Variants in PDE4DIP observed in about 807,000 individuals in gnomAD.
The protein encoded by PDE4DIP is phosphodiesterase 4D interacting protein.
PDE4DIP carries 59 observed loss-of-function variants against 221.4 expected under a neutral mutation model. The ratio of observed to expected loss-of-function variants is 0.27; its 90% CI spans 0.22 to 0.33. The LOEUF is 0.33. Among genes scored for constraint, PDE4DIP ranks in the 10% least tolerant of loss-of-function variants. The pLI, the probability that PDE4DIP is intolerant of heterozygous loss-of-function variation, is 1.00. For missense variants in PDE4DIP, 1,036 were observed against 2,154.2 expected, an observed-to-expected ratio of 0.48 and a Z score of 10.28; for synonymous variants, 404 against 815.9, an observed-to-expected ratio of 0.50 and a Z score of 8.60.
At chr1:148,934,705 C>T (rs2048811475) in intron 4 of PDE4DIP, among the ~76,000 whole-genome samples, 1 of 151,872 alleles carries the variant, frequency 6.6e-6, no homozygotes, top group Non-Finnish European at 1.5e-5. Context: ...CCAGGTTCAA[C>T]CGATTTTCCT....
chr1:148,927,872 G>A (rs1553466744), intron 1 of PDE4DIP, among the ~76,000 whole-genome samples: 1 of 151,936 alleles, frequency 6.6e-6, no homozygotes, highest in Non-Finnish European at 1.5e-5. Context: ...CCCTATTTTA[G>A]TTAATAGAAT....
At chr1:148,972,004 G>GT (rs1169143490) in intron 14 of PDE4DIP, among the ~76,000 whole-genome samples, 176 bp from the exon 18 acceptor site, 1 of 127,648 alleles carries the variant, frequency 7.8e-6, no homozygotes, top group African/African-American at 3.0e-5. Flanking sequence ...ACTTAACTCT[G>GT]TTTTTCCCTG....
At chr1:148,954,415 G>T (rs1283244714) in intron 5 of PDE4DIP, among the ~76,000 whole-genome samples, 2 of 151,934 alleles carry the variant, frequency 1.3e-5, no homozygotes, top group African/African-American at 4.8e-5. Context: ...AAGGTTTGGG[G>T]AAAGCCTATT....
intron 5 of PDE4DIP, chr1:148,953,098 G>T (rs1363269328): frequency 1.5e-5 from 24 of 1,613,962 alleles, no homozygotes; most frequent in Non-Finnish European, 1.9e-5. Flanking sequence ...ACTCTGGCGC[G>T]GAGATCAAGG....
At chr1:149,021,720 G>A in intron 37 of PDE4DIP, 1 of 147,300 alleles carries the variant, frequency 6.8e-6, no homozygotes, top group East Asian at 2.1e-4. Context: ...GAGTCAGTGG[G>A]GACCAGCCTG....
At chr1:148,998,597 AC>A (rs1446133626) in intron 23 of PDE4DIP, among the ~76,000 whole-genome samples, 2 of 149,934 alleles carry the variant, frequency 1.3e-5, no homozygotes, top group Non-Finnish European at 3.0e-5. Flanking sequence ...CATACATATG[AC>A]AGTCATGGTG....
chr1:148,998,292 A>C, exon 23 of PDE4DIP: 1 of 1,613,458 alleles, frequency 6.2e-7, no homozygotes, highest in Non-Finnish European at 8.5e-7. Flanking sequence ...AGCACTTAGA[A>C]GAGAAGAGGA....
intron 23 of PDE4DIP, among the ~76,000 whole-genome samples, chr1:148,999,564 C>A (rs1553571918): frequency 6.6e-6 from 1 of 152,024 alleles, no homozygotes; most frequent in East Asian, 1.9e-4. Flanking sequence ...TTAAAAAATT[C>A]TTGTGATTGT....
chr1:148,983,177 G>A (rs782184724), intron 21 of PDE4DIP: 5 of 152,080 alleles, frequency 3.3e-5, no homozygotes, highest in Non-Finnish European at 7.4e-5. Context: ...AAGTAAAGAG[G>A]AAGGTAATGG....
chr1:148,815,546 T>TAAA (rs1667546257), intron 1 of PDE4DIP, among the ~76,000 whole-genome samples: 1 of 13,050 alleles, frequency 7.7e-5, no homozygotes, highest in Non-Finnish European at 1.6e-4. Flanking sequence ...AGACTCTGTC[T>TAAA]CAAAAAAAAA....
intron 17 of PDE4DIP, among the ~76,000 whole-genome samples, chr1:148,975,184 A>C (rs2059916903): frequency 6.7e-6 from 1 of 148,228 alleles, no homozygotes; most frequent in Non-Finnish European, 1.5e-5. Context: ...AGATAATAAT[A>C]ATAATAATAA....
chr1:148,821,448 A>G (rs1321945500), intron 1 of PDE4DIP, among the ~76,000 whole-genome samples: 1 of 150,800 alleles, frequency 6.6e-6, no homozygotes, highest in Non-Finnish European at 1.5e-5. Context: ...GTGAGGACGT[A>G]GACAGAAAAC....
exon 41 of PDE4DIP, chr1:149,028,635 T>G (rs1312771711): frequency 7.5e-6 from 12 of 1,603,168 alleles, no homozygotes; most frequent in Non-Finnish European, 1.0e-5. Flanking sequence ...GGAGTCAGCT[T>G]CCCTCCTCAC....
At chr1:148,952,281 C>T (rs114639292) in intron 5 of PDE4DIP, 1 of 407,660 alleles carries the variant, frequency 2.5e-6, no homozygotes, top group Admixed American at 9.9e-5. Context: ...ACCTCGCATG[C>T]GCAGAGCCGG....
intron 1 of PDE4DIP, among the ~76,000 whole-genome samples, chr1:148,859,510 C>T (rs28491574): frequency 7.2e-5 from 11 of 151,962 alleles, no homozygotes; most frequent in African/African-American, 9.6e-5. Flanking sequence ...AGATTGATGA[C>T]GTAGGGAGAA....
rs753913298 is a variant in PDE4DIP at position 149,013,985 on chromosome 1, G to A, written c.5266+1209G>A. On this transcript the variant is annotated intron_variant, in intron 32 of 43. Transcript: ENST00000369354. ...GTATTTTTTGTAGAGACAGGGTTTCGCCATGTTGCCAAGACTGGTCTAGAG... is the reference window on the plus strand; with the variant it reads ...GTATTTTTTGTAGAGACAGGGTTTCACCATGTTGCCAAGACTGGTCTAGAG... Among the ~76,000 whole-genome samples the A allele has an allele frequency of 1.0e-3, 156 of 151,690 alleles. 1 individual carries two copies. The highest frequency in any genetic ancestry group is 1.9e-3 in the Non-Finnish European group (127 of 67,938).
At chr1:148,986,767 C>G (rs1482962490) in intron 21 of PDE4DIP, among the ~76,000 whole-genome samples, 13 of 152,158 alleles carry the variant, frequency 8.5e-5, no homozygotes, top group African/African-American at 2.9e-4. Flanking sequence ...GCAGAAAGCA[C>G]GACAGAGGTT....
At chr1:148,961,272 C>T (rs587744377) in intron 6 of PDE4DIP, among the ~76,000 whole-genome samples, 188 of 152,324 alleles carry the variant, frequency 1.2e-3, no homozygotes, top group African/African-American at 4.3e-3. Flanking sequence ...CATGCCACTG[C>T]ACTCAGGCCT....
chr1:149,016,157 A>G, intron 32 of PDE4DIP, 142 bp from the exon 36 acceptor site: 1 of 563,338 alleles, frequency 1.8e-6, no homozygotes, highest in South Asian at 2.0e-5. Flanking sequence ...CCTTAGTCTA[A>G]TTAGTATACC....
Sources: allele counts gnomAD v4.1 joint callset (sites outside exome capture counted in the v4.1 genomes callset), GRCh38; gene constraint gnomAD v4.1.1; transcripts MANE v1.5; gene names NCBI Gene and HGNC (gene_info 2026-07-23, HGNC 2026-07-21).